The following STAM2 variants were observed in gnomAD, a reference collection of about 807,000 sequenced individuals.
STAM2 encodes signal transducing adaptor molecule 2.
A neutral mutation model predicts 65.6 loss-of-function variants in STAM2; 51 were observed. The observed-to-expected ratio is 0.78, with a 90% CI of 0.62 to 0.98. STAM2 has a LOEUF of 0.98. STAM2 is among the 50% of genes least tolerant of loss of function. STAM2 has a pLI of 0.00. For synonymous variants in STAM2, 198 were observed against 208.4 expected (o/e 0.95, Z 0.43); for missense variants, 584 against 617.8 (o/e 0.95, Z 0.58).
chr2:152,173,368 ATATACATATATATATATATG>A (rs1386024779), intron 1 of STAM2, among the ~76,000 whole-genome samples: 62 of 147,434 alleles, frequency 4.2e-4, no homozygotes, highest in Non-Finnish European at 6.3e-4. Flanking sequence ...ACACACATAT[ATATACATATATATATATATG>A]TATACATATA....
At chr2:152,165,220 TC>T (rs1251294143) in intron 1 of STAM2, among the ~76,000 whole-genome samples, 1 of 151,284 alleles carries the variant, frequency 6.6e-6, no homozygotes, top group Non-Finnish European at 1.5e-5. Flanking sequence ...GGTCAGGAGA[TC>T]AAGACGAGCC....
rs559479701 is a variant in STAM2 at position 152,150,098 on chromosome 2, G to A, written c.125+47C>T. On this transcript the variant is annotated intron_variant, in intron 2 of 13. Coordinates refer to ENST00000263904, the MANE Select transcript of STAM2 (RefSeq NM_005843.6). The stretch of plus-strand genomic sequence containing the variant: ...AAGTTACATCACAAAAAGAGACACT[G>A]GTTATCAAGTTCCTAGACATTCACT... The A allele has an allele frequency of 3.1e-6, 4 of 1,272,290 alleles. No individual in the cohort carries two copies. In the South Asian group the frequency reaches 4.9e-5, roughly 16 times the overall value. The allele number at this position is 1,272,290 out of a possible 1,614,324, so 78.8% of individuals were successfully genotyped here.
chr2:152,165,594 G>A (rs930591903), intron 1 of STAM2, among the ~76,000 whole-genome samples: 2 of 152,148 alleles, frequency 1.3e-5, no homozygotes, highest in African/African-American at 4.8e-5. Context: ...CTTCAGGGGG[G>A]TGGCGCGGGA....
chr2:152,126,040 C>A (rs916123068), intron 12 of STAM2, 186 bp downstream of exon 12: 3 of 445,416 alleles, frequency 6.7e-6, no homozygotes, highest in East Asian at 7.3e-5. Flanking sequence ...TGTGAAATAT[C>A]AGTATCTGTC....
intron 1 of STAM2, among the ~76,000 whole-genome samples, chr2:152,173,778 T>C (rs941593574): frequency 2.0e-5 from 3 of 152,216 alleles, no homozygotes; most frequent in Non-Finnish European, 4.4e-5. Flanking sequence ...ATGATATACG[T>C]GCAAGTCCAA....
intron 12 of STAM2, among the ~76,000 whole-genome samples, chr2:152,125,410 T>G (rs1026870733): frequency 2.6e-4 from 40 of 152,220 alleles, no homozygotes; most frequent in Admixed American, 2.4e-3. Flanking sequence ...TTCTCCTTGG[T>G]GTCTCCTTCA....
intron 11 of STAM2, among the ~76,000 whole-genome samples, chr2:152,130,162 G>C (rs560993906): frequency 6.6e-6 from 1 of 152,176 alleles, no homozygotes; most frequent in African/African-American, 2.4e-5. Context: ...ACTTCAGATA[G>C]AGAGCTGAGA....
Position 152,120,467 on chromosome 2 carries a change from G to T in STAM2, c.*107C>A. On this transcript the variant is annotated 3_prime_UTR_variant, in exon 14 of 14. Transcript: ENST00000263904. ...AGGTTTTTGTGCTTTATTTATTCAT[G>T]GTCCTTTTGAGTTGAGAGGGAAAAA... is the stretch of plus-strand genomic sequence containing the variant. The T allele has an allele frequency of 1.2e-6, 1 of 843,612 alleles. No individual in the cohort carries two copies. Among genetic ancestry groups the T allele is most frequent in the Non-Finnish European group, 1.9e-6 (1 of 540,044 alleles). The allele number at this position is 843,612 out of a possible 1,614,324, so 52.3% of individuals were successfully genotyped here.
At chr2:152,132,079 A>C (rs765952842) in intron 11 of STAM2, 35 bp downstream of exon 11, 10 of 1,527,978 alleles carry the variant, frequency 6.5e-6, no homozygotes, top group Non-Finnish European at 8.9e-6. Context: ...AACCCCCCAA[A>C]ACTATACTTT....
intron 7 of STAM2, among the ~76,000 whole-genome samples, chr2:152,138,667 A>G (rs1217870424): frequency 6.6e-6 from 1 of 152,228 alleles, no homozygotes; most frequent in East Asian, 1.9e-4. Context: ...AAGAGACGAA[A>G]GAGTTATATA....
chr2:152,167,133 T>A (rs1689802740), intron 1 of STAM2, among the ~76,000 whole-genome samples: 1 of 152,226 alleles, frequency 6.6e-6, no homozygotes, highest in African/African-American at 2.4e-5. Context: ...TAAACACAGT[T>A]CTGAGCTTGC....
intron 1 of STAM2, among the ~76,000 whole-genome samples, chr2:152,163,793 G>A (rs1416943373): frequency 6.6e-6 from 1 of 152,196 alleles, no homozygotes; most frequent in Non-Finnish European, 1.5e-5. Context: ...GTCTTATGCG[G>A]TTGAGATAAG....
At chr2:152,154,198 G>A (rs955407963) in intron 1 of STAM2, among the ~76,000 whole-genome samples, 1 of 152,138 alleles carries the variant, frequency 6.6e-6, no homozygotes, top group Non-Finnish European at 1.5e-5. Context: ...CCATGGAGAA[G>A]CAAATGAAAA....
At chr2:152,150,768 C>T (rs192821587) in intron 1 of STAM2, among the ~76,000 whole-genome samples, 166 of 152,262 alleles carry the variant, frequency 1.1e-3, no homozygotes, top group African/African-American at 3.8e-3. Context: ...ATCATGCTAC[C>T]GCACTCCAGC....
chr2:152,147,347 C>A, intron 4 of STAM2, 39 bp from the exon 5 acceptor site: 2 of 1,492,258 alleles, frequency 1.3e-6, no homozygotes, highest in South Asian at 1.4e-5. Context: ...CAAAAATCTA[C>A]GGTTAAAATA....
In STAM2 at chr2:152,120,616, A is replaced by C. The variant is rs1688833544; in HGVS notation, c.1536T>G (p.Val512=). 3 of 1,614,014 alleles carry C rather than the reference A, an allele frequency of 1.9e-6. No homozygotes were observed. The highest frequency in any genetic ancestry group is 1.3e-5 in the African/African-American group (1 of 74,916). ...GATGGTAATTTGTGTGCTGCTGTGC[A>C]ACTGGATGAGCTGGAACTGTCACCG... is the stretch of plus-strand genomic sequence containing the variant. ...GFPVTVPAHP[V]AQQHTNYHQQ... is the part of the protein sequence containing the mutation. The change falls in exon 14 of 14, where the codon GTT becomes GTG. Residue 512 remains valine (V), a synonymous_variant. Coordinates refer to ENST00000263904, the MANE Select transcript of STAM2 (RefSeq NM_005843.6).
intron 13 of STAM2, 73 bp from the exon 14 acceptor site, chr2:152,120,875 C>T: frequency 8.6e-7 from 1 of 1,163,168 alleles, no homozygotes; most frequent in Non-Finnish European, 1.3e-6. Flanking sequence ...ATCATCATGA[C>T]AAAAATGCCT....
chr2:152,156,446 A>T (rs12693270), intron 1 of STAM2, among the ~76,000 whole-genome samples: 2 of 152,172 alleles, frequency 1.3e-5, no homozygotes, highest in Admixed American at 1.3e-4. Flanking sequence ...ACTTTGCCCA[A>T]TGTTGGGGCC....
intron 1 of STAM2, among the ~76,000 whole-genome samples, chr2:152,173,373 CAT>C (rs72270496): frequency 0.012 from 1,137 of 97,968 alleles, 7 homozygotes; most frequent in East Asian, 0.017. Context: ...CATATATATA[CAT>C]ATATATATAT....
Sources: allele counts gnomAD v4.1 joint callset (sites outside exome capture counted in the v4.1 genomes callset), GRCh38; gene constraint gnomAD v4.1.1; transcripts MANE v1.5; gene names NCBI Gene and HGNC (gene_info 2026-07-23, HGNC 2026-07-21).